The following POLD2 variants were observed in gnomAD, a reference collection of about 807,000 sequenced individuals.
The protein encoded by POLD2 is DNA polymerase delta 2, accessory subunit.
POLD2 carries 31 observed loss-of-function variants against 48.8 expected under a neutral mutation model. The ratio of observed to expected loss-of-function variants is 0.64; its 90% CI spans 0.48 to 0.86. The LOEUF (loss-of-function observed/expected upper bound fraction) is 0.86. Among genes scored for constraint, POLD2 ranks in the 40% least tolerant of loss-of-function variants. The pLI, the probability that POLD2 is intolerant of heterozygous loss-of-function variation, is 0.00. For missense variants in POLD2, 455 were observed against 610.1 expected (o/e 0.75, Z 2.68); for synonymous variants, 233 against 256.3 (o/e 0.91, Z 0.87).
In POLD2 at chr7:44,123,474, A is replaced by G. The variant is rs991233382; in HGVS notation, c.-57+37T>C. 64 of 1,492,724 alleles carry G rather than the reference A, an allele frequency of 4.3e-5. No individual in the cohort carries two copies. The Admixed American group carries it at 1.2e-3, about 29-fold the overall frequency. The allele number at this position is 1,492,724 out of a possible 1,614,324, so 92.5% of individuals were successfully genotyped here. A position where few individuals can be genotyped will look rare whatever the true frequency, so the allele number is the denominator to read the frequency against. Reference sequence around the variant, plus strand: ...CCCGGCCTCGCGGCCTGGAACTGCCACCCCCAGCTGACCCCGTTTCCCTGG... The same window carrying G: ...CCCGGCCTCGCGGCCTGGAACTGCCGCCCCCAGCTGACCCCGTTTCCCTGG... On this transcript the variant is annotated intron_variant, in intron 1 of 10. Transcript: ENST00000610533.
At chr7:44,117,808 G>C in intron 3 of POLD2, 66 bp from the exon 4 acceptor site, 1 of 1,605,052 alleles carries the variant, frequency 6.2e-7, no homozygotes, top group Non-Finnish European at 8.5e-7. Context: ...GTGTTAGTGA[G>C]CTGGCACCGC....
In POLD2 at chr7:44,123,524, G is replaced by A. The variant is rs1229383771; in HGVS notation, c.-70C>T. 6.8e-7 allele frequency: 1 copy of A among 1,479,746 alleles called. No individual in the cohort carries two copies. Among genetic ancestry groups the A allele is most frequent in the Non-Finnish European group, 8.9e-7 (1 of 1,122,842 alleles). 91.7% of individuals were successfully genotyped at this position (1,479,746 alleles called of 1,614,324 possible). A position where few individuals can be genotyped will look rare whatever the true frequency, so the allele number is the denominator to read the frequency against. On this transcript the variant is annotated 5_prime_UTR_variant, in exon 1 of 11. Transcript: ENST00000610533. ...GACCCCACTCACCGCGCGGCGCGCC[G>A]CATCCCGCCAATCCCCGCGCGCCTG... is the stretch of plus-strand genomic sequence containing the variant.
rs985266498 is a variant in POLD2, at chr7:44,114,729, T to A, written c.*56A>T. 1 of 1,534,138 alleles carries A rather than the reference T, an allele frequency of 6.5e-7. No homozygotes were observed. Among genetic ancestry groups the A allele is most frequent in the African/African-American group, 1.4e-5 (1 of 72,832 alleles). On this transcript the variant is annotated 3_prime_UTR_variant, in exon 11 of 11. Transcript: ENST00000610533. ...CAGGCTTTATTTACAATGCCGACAC[T>A]GCAGGGAATGAACAGCCTCCATCTG...
At position 44,116,506 on chromosome 7, in the gene POLD2, T is replaced by C. The variant is rs779506615; in HGVS notation, c.785A>G (p.Lys262Arg). The C allele has an allele frequency of 6.4e-7, 1 of 1,573,830 alleles. No individual in the cohort carries two copies. The highest frequency in any genetic ancestry group is 8.6e-7 in the Non-Finnish European group (1 of 1,158,636). Residue 262 changes from lysine to arginine, a missense_variant, in exon 7 of 11, where the codon AAA becomes AGA. Lys to Arg is a conservative substitution (Grantham distance 26). Around this residue, in one of 3 missense-constraint regions of POLD2, gnomAD observed 349 missense variants for 437.4 expected, o/e 0.80. Coordinates refer to ENST00000610533, the MANE Select transcript of POLD2 (RefSeq NM_006230.4). This position sits in a 1 kb window ranked among gnomAD's most constrained non-coding sequence, Gnocchi z 6.1. The stretch of plus-strand genomic sequence containing the variant: ...TGCCTGGGTTTTCTTGGTGAGGTAT[T>C]TGGCCTGGAATAGAAGCCCAGAAGG... The part of the protein sequence containing the change: ...TQSRDSINKA[K>R]YLTKKTQAAS...
chr7:44,120,035 G>A (rs539842482), intron 2 of POLD2, among the ~76,000 whole-genome samples: 1 of 152,286 alleles, frequency 6.6e-6, no homozygotes, highest in South Asian at 2.1e-4. Flanking sequence ...GCAGGTTTGG[G>A]GAACAGGTGA....
At chr7:44,117,402 G>A (rs1006022863) in intron 4 of POLD2, 155 bp from the exon 5 acceptor site, 2 of 719,576 alleles carry the variant, frequency 2.8e-6, no homozygotes. Flanking sequence ...TGGAGTCACT[G>A]CCCTTGGATG....
Position 44,114,852 on chromosome 7 carries a change from T to C in POLD2, c.1343A>G (p.Gln448Arg). 1 of 1,614,016 alleles carries C rather than the reference T, an allele frequency of 6.2e-7. No individual in the cohort carries two copies. Among genetic ancestry groups the C allele is most frequent in the Non-Finnish European group, 8.5e-7 (1 of 1,179,914 alleles). The change falls in exon 11 of 11, where the codon CAG becomes CGG. Residue 448 changes from glutamine (Q) to arginine (R), a missense_variant. This residue lies in a region of POLD2 where 98 missense variants were observed against 138.6 expected (regional missense o/e 0.71). Transcript: ENST00000610533. ...CCCGAAGCCCGAGAAGCTGATGGGC[T>C]GGCAGGCCAGGCTGCGCAGGTTCAC... ...CLVNLRSLACQPISFSGFGAE... is the reference protein window; with the variant it reads ...CLVNLRSLACRPISFSGFGAE...
chr7:44,117,488 T>G, intron 4 of POLD2, 131 bp downstream of exon 4: 1 of 1,173,430 alleles, frequency 8.5e-7, no homozygotes, highest in East Asian at 2.6e-5. Context: ...CTCACCTACC[T>G]CCTCAAGAAC....
chr7:44,116,650 G>A lies in POLD2; in HGVS notation c.781-140C>T. ...AAGCCTCCCACCATCCTCAGCGAGG[G>A]CCTGGGCATGAGGAGCCCCATTGCA... On this transcript the variant is annotated intron_variant, in intron 6 of 10. Transcript: ENST00000610533. The surrounding 1 kb of genome is among the most constrained non-coding windows in gnomAD (Gnocchi z 6.1). The A allele has an allele frequency of 1.0e-6, 1 of 999,876 alleles. No individual in the cohort carries two copies. Among genetic ancestry groups the A allele is most frequent in the Non-Finnish European group, 1.5e-6 (1 of 667,020 alleles). 61.9% of individuals were successfully genotyped at this position (999,876 alleles called of 1,614,324 possible).
At position 44,116,949 on chromosome 7, in the gene POLD2, C is replaced by T. The variant is rs1221413506; in HGVS notation, c.648G>A (p.Gln216=). The change falls in exon 6 of 11, where the codon CAG becomes CAA. Residue 216 remains glutamine (Q), a synonymous_variant. Transcript: ENST00000610533. This position sits in a 1 kb window ranked among gnomAD's most constrained non-coding sequence, Gnocchi z 6.1. ...GGGGESLLGT[Q]LLVDVVTGQL... ...GCCCCGTCACCACATCCACCAGCAG[C>T]TGGGTGCCCAGCAGGCTCTCGCCTC... The T allele has an allele frequency of 6.2e-7, 1 of 1,613,710 alleles. No homozygotes were observed. The highest frequency in any genetic ancestry group is 1.3e-5 in the African/African-American group (1 of 74,926).
intron 9 of POLD2, 63 bp from the exon 10 acceptor site, chr7:44,115,459 G>T: frequency 9.3e-7 from 1 of 1,076,298 alleles, no homozygotes. Flanking sequence ...TGCACAGGAT[G>T]TGGGGCTGCA....
At position 44,117,117 on chromosome 7, in the gene POLD2, G is replaced by C. The variant is rs41548814; in HGVS notation, c.581+16C>G. 1 of 1,612,386 alleles carries C rather than the reference G, an allele frequency of 6.2e-7. No individual in the cohort carries two copies. Among genetic ancestry groups the C allele is most frequent in the Non-Finnish European group, 8.5e-7 (1 of 1,178,522 alleles). ...TGACCATGAGCTGGTTCCAGCTCCC[G>C]AGAACTGCTGCTCACCTATCTGTGT... On this transcript the variant is annotated intron_variant, in intron 5 of 10. Coordinates refer to ENST00000610533, the MANE Select transcript of POLD2 (RefSeq NM_006230.4).
At position 44,117,730 on chromosome 7, in the gene POLD2, G is replaced by A. The variant is rs760685525; in HGVS notation, c.355C>T (p.Pro119Ser). The A allele has an allele frequency of 1.2e-6, 2 of 1,613,722 alleles. No individual in the cohort carries two copies. Among genetic ancestry groups the A allele is most frequent in the Admixed American group, 1.7e-5 (1 of 59,938 alleles). ...REVSEEHNLLPQPPRSKYIHP... is the reference protein window; with the variant it reads ...REVSEEHNLLSQPPRSKYIHP... Reference sequence around the variant, plus strand: ...ATGTATTTACTCCGAGGAGGCTGGGGGAGCAGGTTGTGCTGGAATGCAGAG... The same window carrying A: ...ATGTATTTACTCCGAGGAGGCTGGGAGAGCAGGTTGTGCTGGAATGCAGAG... Residue 119 changes from proline to serine, a missense_variant, in exon 4 of 11, where the codon CCC becomes TCC. Pro to Ser is a moderately conservative substitution (Grantham distance 74). Around this residue, in one of 3 missense-constraint regions of POLD2, gnomAD observed 349 missense variants for 437.4 expected, o/e 0.80. Transcript: ENST00000610533.
intron 3 of POLD2, 74 bp from the exon 4 acceptor site, chr7:44,117,816 C>A: frequency 6.2e-7 from 1 of 1,603,528 alleles, no homozygotes; most frequent in South Asian, 1.1e-5. Context: ...GAGCTGGCAC[C>A]GCAGCCCCCA....
chr7:44,122,162 A>C (rs1319362657), intron 1 of POLD2, 53 bp from the exon 2 acceptor site: 25 of 1,489,726 alleles, frequency 1.7e-5, no homozygotes, highest in Non-Finnish European at 2.2e-5. Flanking sequence ...CCAAAGCAGC[A>C]GCTCTCCTGG....
rs751180921 is a variant in POLD2, at chr7:44,121,803, G to T, written c.220+31C>A. ...ACACTTCTAAGTTCAGGGATGCTGTGGGGGAAGCACCTTCCCAAACTCTCA... is the reference window on the plus strand; with the variant it reads ...ACACTTCTAAGTTCAGGGATGCTGTTGGGGAAGCACCTTCCCAAACTCTCA... On this transcript the variant is annotated intron_variant, in intron 2 of 10. Transcript: ENST00000610533. This position sits in a 1 kb window ranked among gnomAD's most constrained non-coding sequence, Gnocchi z 4.5. 1.3e-6 allele frequency: 2 copies of T among 1,593,774 alleles called. No homozygotes were observed. The highest frequency in any genetic ancestry group is 1.7e-5 in the Admixed American group (1 of 59,082).
chr7:44,118,356 G>T, intron 2 of POLD2: 1 of 272,048 alleles, frequency 3.7e-6, no homozygotes, highest in South Asian at 6.2e-5. Context: ...AGAGCGGAGT[G>T]ATGCGGCCAC....
At chr7:44,115,693 G>T in intron 9 of POLD2, 73 bp downstream of exon 9, 2 of 1,528,838 alleles carry the variant, frequency 1.3e-6, no homozygotes, top group Non-Finnish European at 1.8e-6. Context: ...CCCACAGGGG[G>T]ACCCTGTGCA....
chr7:44,118,755 G>A (rs899709930), intron 2 of POLD2, among the ~76,000 whole-genome samples: 3 of 151,536 alleles, frequency 2.0e-5, no homozygotes, highest in Admixed American at 1.3e-4. Flanking sequence ...TCTTGACCTT[G>A]TGATCTGCCC....
Sources: gnomAD v4.1 joint callset for allele counts (sites outside exome capture counted in the v4.1 genomes callset) on GRCh38, gnomAD v4.1.1 for gene constraint, gnomAD v4.1.1 regional missense constraint, Gnocchi (gnomAD v3.1) non-coding constraint, MANE v1.5 for transcripts, NCBI Gene and HGNC (gene_info 2026-07-23, HGNC 2026-07-21) for gene names.